Variants in KHDRBS2 observed in about 807,000 individuals in gnomAD.
The protein encoded by KHDRBS2 is KH RNA binding domain containing, signal transduction associated 2.
Under a neutral mutation model 44.3 loss-of-function variants are expected in KHDRBS2, and 26 were observed. The observed-to-expected ratio is 0.59, with a 90% CI of 0.43 to 0.81. The LOEUF (loss-of-function observed/expected upper bound fraction) is 0.81, where lower values mean the gene tolerates loss of function less well. KHDRBS2 is among the 40% of genes least tolerant of loss of function. The pLI, the probability that KHDRBS2 is intolerant of heterozygous loss-of-function variation, is 0.00. For synonymous variants in KHDRBS2, 194 were observed against 151.1 expected (o/e 1.28, Z -2.08); for missense variants, 476 against 433.1 (o/e 1.10, Z -0.88).
the KHDRBS2 span, among the ~76,000 whole-genome samples, chr6:61,558,259 C>T: frequency 3.9e-5 from 6 of 152,132 alleles, no homozygotes; most frequent in East Asian, 1.2e-3. Context: ...GATGTAGGTG[C>T]TTATAGCCAT....
At chr6:62,221,348 A>G (rs1261814604) in intron 1 of KHDRBS2, among the ~76,000 whole-genome samples, 1 of 152,086 alleles carries the variant, frequency 6.6e-6, no homozygotes. Context: ...GATATAAAGC[A>G]GCAGATAGAT....
chr6:61,762,095 G>T (rs9451490), intron 6 of KHDRBS2, among the ~76,000 whole-genome samples: 62,990 of 151,936 alleles, frequency 0.41, 13,404 homozygotes, highest in Middle Eastern at 0.51. Context: ...TTCTTATTTG[G>T]TTATATTTCA....
chr6:61,721,558 A>C (rs1172035511), intron 7 of KHDRBS2, among the ~76,000 whole-genome samples: 4 of 135,746 alleles, frequency 2.9e-5, no homozygotes, highest in South Asian at 2.4e-4. Context: ...ATGGGAGTTC[A>C]CTCATGATTT....
At chr6:62,045,807 A>T (rs1787544446) in intron 3 of KHDRBS2, among the ~76,000 whole-genome samples, 1 of 151,858 alleles carries the variant, frequency 6.6e-6, no homozygotes, top group African/African-American at 2.4e-5. Flanking sequence ...ATAATCAATA[A>T]TTTACCAAGG....
At chr6:61,846,564 A>T (rs1794440775) in intron 6 of KHDRBS2, among the ~76,000 whole-genome samples, 1 of 152,206 alleles carries the variant, frequency 6.6e-6, no homozygotes. Context: ...ATTGAGAAAG[A>T]AGAGTTAAAC....
chr6:61,716,556 T>A (rs950208549), intron 7 of KHDRBS2, among the ~76,000 whole-genome samples: 1 of 151,798 alleles, frequency 6.6e-6, no homozygotes, highest in Non-Finnish European at 1.5e-5. Flanking sequence ...CTGACCTTCA[T>A]TTTTTTAAAA....
At chr6:61,871,822 A>T (rs1260354394) in intron 6 of KHDRBS2, among the ~76,000 whole-genome samples, 1 of 152,158 alleles carries the variant, frequency 6.6e-6, no homozygotes, top group African/African-American at 2.4e-5. Flanking sequence ...TTTTGTCACC[A>T]CCAGGCCTGC....
chr6:61,883,941 C>T (rs1443136354), intron 6 of KHDRBS2, among the ~76,000 whole-genome samples: 2 of 152,024 alleles, frequency 1.3e-5, no homozygotes, highest in African/African-American at 2.4e-5. Context: ...TGGGTAAAGG[C>T]TCTTGGCTAT....
the KHDRBS2 span, among the ~76,000 whole-genome samples, chr6:61,558,870 G>A: frequency 1.3e-5 from 2 of 152,246 alleles, no homozygotes; most frequent in East Asian, 3.9e-4. Flanking sequence ...GTCATATGCT[G>A]AGGAAAGGAA....
At chr6:62,032,436 G>A (rs1475305664) in intron 3 of KHDRBS2, among the ~76,000 whole-genome samples, 7 of 151,850 alleles carry the variant, frequency 4.6e-5, no homozygotes, top group South Asian at 4.2e-4. Flanking sequence ...TTCAGAACTC[G>A]GACTGGCTCT....
At chr6:62,009,012 G>T in intron 3 of KHDRBS2, among the ~76,000 whole-genome samples, 1 of 152,294 alleles carries the variant, frequency 6.6e-6, no homozygotes, top group African/African-American at 2.4e-5. Flanking sequence ...ATGTGGAAGT[G>T]ACTTTGGAAA....
At chr6:61,691,202 T>C (rs890881180) in intron 8 of KHDRBS2, among the ~76,000 whole-genome samples, 1 of 152,114 alleles carries the variant, frequency 6.6e-6, no homozygotes, top group Non-Finnish European at 1.5e-5. Flanking sequence ...GAGTGCATTA[T>C]TCAAAACAAA....
intron 2 of KHDRBS2, among the ~76,000 whole-genome samples, chr6:62,065,566 A>G (rs1307434777): frequency 4.8e-4 from 68 of 142,256 alleles, no homozygotes; most frequent in Non-Finnish European, 9.2e-4. Context: ...TCTCACTCAT[A>G]GGTGGGAATT....
intron 6 of KHDRBS2, among the ~76,000 whole-genome samples, chr6:61,848,583 A>ATATATATATATG: frequency 9.6e-6 from 1 of 104,386 alleles, no homozygotes; most frequent in South Asian, 3.1e-4. Context: ...ATACATATAT[A>ATATATATATATG]TATATATATA....
At chr6:61,635,095 A>T in the KHDRBS2 span, among the ~76,000 whole-genome samples, 1 of 152,128 alleles carries the variant, frequency 6.6e-6, no homozygotes, top group Admixed American at 6.6e-5. Flanking sequence ...ATTTCTTACT[A>T]TCCAATTAAT....
chr6:61,824,350 C>T (rs922521412), intron 6 of KHDRBS2, among the ~76,000 whole-genome samples: 6 of 151,926 alleles, frequency 3.9e-5, no homozygotes, highest in South Asian at 2.1e-4. Flanking sequence ...TGTTTGAAAG[C>T]GTGTAGCACT....
At chr6:61,893,393 T>C (rs1802345374) in intron 6 of KHDRBS2, among the ~76,000 whole-genome samples, 1 of 152,176 alleles carries the variant, frequency 6.6e-6, no homozygotes, top group East Asian at 1.9e-4. Flanking sequence ...GCCATCCCAT[T>C]ACTGGGTATA....
At chr6:61,615,378 A>C in the KHDRBS2 span, among the ~76,000 whole-genome samples, 1 of 152,262 alleles carries the variant, frequency 6.6e-6, no homozygotes, top group East Asian at 1.9e-4. Context: ...AAGTCTACTT[A>C]GCAAAGTGCT....
intron 4 of KHDRBS2, among the ~76,000 whole-genome samples, chr6:61,942,899 T>C (rs865973103): frequency 1.4e-5 from 2 of 142,456 alleles, no homozygotes; most frequent in African/African-American, 2.6e-5. Flanking sequence ...TTATAGGCCA[T>C]GAGAGAATGG....
Sources: gnomAD v4.1 joint callset for allele counts (sites outside exome capture counted in the v4.1 genomes callset) on GRCh38, gnomAD v4.1.1 for gene constraint, MANE v1.5 for transcripts, NCBI Gene and HGNC (gene_info 2026-07-23, HGNC 2026-07-21) for gene names.